CAP2: variants seen among roughly 807,000 people sequenced by gnomAD.
CAP2 encodes the protein adenylyl cyclase-associated protein 2.
In CAP2, 24 loss-of-function variants were observed where a neutral mutation model predicts 57.7. That is an observed-to-expected ratio of 0.42 (90% CI 0.30 to 0.58). CAP2 has a LOEUF of 0.58. Among genes scored for constraint, CAP2 ranks in the 20% least tolerant of loss-of-function variants. The pLI, the probability that CAP2 is intolerant of heterozygous loss-of-function variation, is 0.22. For synonymous variants in CAP2, 194 were observed against 207.2 expected, an observed-to-expected ratio of 0.94 and a Z score of 0.55; for missense variants, 501 against 590.3, an observed-to-expected ratio of 0.85 and a Z score of 1.57.
intron 4 of CAP2, among the ~76,000 whole-genome samples, chr6:17,481,141 A>G (rs16879756): frequency 0.19 from 28,487 of 151,812 alleles, 3,515 homozygotes; most frequent in East Asian, 0.35. Context: ...TTTTTAATCC[A>G]GTCAATTACT....
At chr6:17,524,910 T>TTTTTA (rs1762470192) in intron 7 of CAP2, among the ~76,000 whole-genome samples, 1 of 111,198 alleles carries the variant, frequency 9.0e-6, no homozygotes, top group African/African-American at 3.4e-5. Context: ...TTTTTTTTTT[T>TTTTTA]GAGTTGGAGT....
intron 7 of CAP2, among the ~76,000 whole-genome samples, chr6:17,528,894 T>TC (rs1262698264): frequency 6.6e-6 from 1 of 152,160 alleles, no homozygotes; most frequent in African/African-American, 2.4e-5. Context: ...CCCAGAAACT[T>TC]TGTTTTTATT....
At chr6:17,430,133 G>A (rs1180991416) in intron 3 of CAP2, among the ~76,000 whole-genome samples, 2 of 152,218 alleles carry the variant, frequency 1.3e-5, no homozygotes, top group African/African-American at 4.8e-5. Flanking sequence ...CTGTCTCGAT[G>A]TGTTGGCTGC....
chr6:17,484,842 A>G (rs1345905930), intron 4 of CAP2, among the ~76,000 whole-genome samples: 2 of 152,200 alleles, frequency 1.3e-5, no homozygotes, highest in African/African-American at 4.8e-5. Context: ...TTACAGATGA[A>G]GATGCATTGT....
rs150675265 is a variant in CAP2, at chr6:17,442,867, G to A, written c.222+16177G>A. On this transcript the variant is annotated intron_variant, in intron 3 of 12. Transcript: ENST00000229922. The stretch of plus-strand genomic sequence containing the variant: ...CGAGTAGCTGGAACTACAGATGTGC[G>A]CCACCATGCCAGGCTAATTTTTCTG... Among the ~76,000 whole-genome samples the A allele has an allele frequency of 2.7e-3, 415 of 151,940 alleles. 2 individuals carry two copies. The highest frequency in any genetic ancestry group is 9.4e-3 in the African/African-American group (390 of 41,412).
At chr6:17,410,683 G>C (rs190028866) in intron 1 of CAP2, among the ~76,000 whole-genome samples, 1 of 151,158 alleles carries the variant, frequency 6.6e-6, no homozygotes, top group Non-Finnish European at 1.5e-5. Flanking sequence ...TCAACCTCCC[G>C]AGTAGCTGGG....
chr6:17,461,785 G>C (rs1760726913), intron 3 of CAP2, among the ~76,000 whole-genome samples: 2 of 150,974 alleles, frequency 1.3e-5, no homozygotes, highest in African/African-American at 4.9e-5. Flanking sequence ...GAGGTCAGGA[G>C]ATCGAGACCA....
At chr6:17,508,894 A>G (rs1192343372) in intron 6 of CAP2, among the ~76,000 whole-genome samples, 2 of 151,868 alleles carry the variant, frequency 1.3e-5, no homozygotes, top group African/African-American at 4.8e-5. Flanking sequence ...AGTAGCTGGG[A>G]CTATAGGTGC....
At chr6:17,451,187 A>T (rs1760392054) in intron 3 of CAP2, among the ~76,000 whole-genome samples, 1 of 152,072 alleles carries the variant, frequency 6.6e-6, no homozygotes, top group South Asian at 2.1e-4. Context: ...CTGAGGACCA[A>T]GCAGGGTACG....
chr6:17,502,294 C>T (rs370826182), intron 4 of CAP2, among the ~76,000 whole-genome samples: 23 of 152,178 alleles, frequency 1.5e-4, no homozygotes, highest in African/African-American at 4.8e-4. Context: ...ATTGACTTTT[C>T]GTCTGACATC....
intron 1 of CAP2, among the ~76,000 whole-genome samples, chr6:17,417,010 G>GAGAGCTCAAGC (rs1759295509): frequency 6.6e-6 from 1 of 151,884 alleles, no homozygotes; most frequent in Non-Finnish European, 1.5e-5. Context: ...TTGGTGGGAG[G>GAGAGCTCAAGC]CTCCCTTGAG....
At chr6:17,546,090 T>C (rs1763037813) in intron 11 of CAP2, among the ~76,000 whole-genome samples, 1 of 152,258 alleles carries the variant, frequency 6.6e-6, no homozygotes, top group Non-Finnish European at 1.5e-5. Flanking sequence ...ATGGTATTTC[T>C]AGTTATAGAT....
intron 4 of CAP2, among the ~76,000 whole-genome samples, chr6:17,490,708 A>G (rs1761523625): frequency 6.6e-6 from 1 of 152,136 alleles, no homozygotes; most frequent in African/African-American, 2.4e-5. Context: ...AGAGCCTTGG[A>G]GAAGGATCCT....
chr6:17,556,307 T>A (rs1250790537), intron 12 of CAP2, 52 bp from the exon 13 acceptor site: 1 of 1,308,338 alleles, frequency 7.6e-7, no homozygotes, highest in East Asian at 2.3e-5. Flanking sequence ...AGCCTTAGTT[T>A]AAATAACTTT....
chr6:17,491,439 G>C (rs183670834), intron 4 of CAP2, among the ~76,000 whole-genome samples: 19 of 152,242 alleles, frequency 1.2e-4, no homozygotes, highest in African/African-American at 4.6e-4. Flanking sequence ...TTCAGTATTT[G>C]AGGTCAGTAA....
At chr6:17,523,383 G>C (rs887793299) in intron 7 of CAP2, among the ~76,000 whole-genome samples, 7 of 152,146 alleles carry the variant, frequency 4.6e-5, no homozygotes, top group African/African-American at 1.7e-4. Context: ...TGTGTTTGAG[G>C]TGCGGGAGGT....
chr6:17,542,600 T>C (rs1382064638), intron 9 of CAP2, among the ~76,000 whole-genome samples: 1 of 152,182 alleles, frequency 6.6e-6, no homozygotes, highest in African/African-American at 2.4e-5. Flanking sequence ...TCCCACCTGC[T>C]AGGGTGCCTG....
intron 8 of CAP2, 130 bp downstream of exon 8, chr6:17,539,588 A>T: frequency 1.4e-6 from 1 of 709,130 alleles, no homozygotes. Context: ...GAGAGGGGGA[A>T]CTGGTGCTGG....
chr6:17,531,740 T>C (rs1039081513), intron 7 of CAP2: 6 of 604,022 alleles, frequency 9.9e-6, no homozygotes, highest in African/African-American at 1.9e-5. Context: ...GTCGTCTATA[T>C]ACATTCCCCC....
Sources: gnomAD v4.1 joint callset for allele counts (sites outside exome capture counted in the v4.1 genomes callset) on GRCh38, gnomAD v4.1.1 for gene constraint, MANE v1.5 for transcripts, NCBI Gene and HGNC (gene_info 2026-07-23, HGNC 2026-07-21) for gene names.